Variants in CYP2R1 observed in about 807,000 individuals in gnomAD.
CYP2R1 encodes the protein vitamin D 25-hydroxylase.
CYP2R1 carries 40 observed loss-of-function variants against 45.7 expected under a neutral mutation model. The ratio of observed to expected loss-of-function variants is 0.87; its 90% CI spans 0.68 to 1.14. CYP2R1 has a LOEUF of 1.14. CYP2R1 is among the 50% of genes most tolerant of loss of function. CYP2R1 has a pLI of 0.00. For synonymous variants in CYP2R1, 234 were observed against 219.3 expected, an observed-to-expected ratio of 1.07 and a Z score of -0.59; for missense variants, 605 against 602.6, an observed-to-expected ratio of 1.00 and a Z score of -0.04.
chr11:14,885,835 C>G lies in CYP2R1; in HGVS notation c.308G>C (p.Ser103Thr), dbSNP rs1848595700. ...DVVKECLVHQ[S>T]EIFADRPCLP... Reference sequence around the variant, plus strand: ...GCATGGTCTGTCTGCAAAAATTTCGCTTTGATGAACAAGGCATTCCTTTAC... The same window carrying G: ...GCATGGTCTGTCTGCAAAAATTTCGGTTTGATGAACAAGGCATTCCTTTAC... Residue 103 changes from serine to threonine, a missense_variant, in exon 2 of 5, where the codon AGC becomes ACC. Physicochemically the swap from Ser to Thr is moderately conservative, Grantham distance 58 (BLOSUM62 1). Transcript: ENST00000334636. The G allele has an allele frequency of 6.2e-7, 1 of 1,613,622 alleles. No individual in the cohort carries two copies. The highest frequency in any genetic ancestry group is 8.5e-7 in the Non-Finnish European group (1 of 1,179,804).
rs782742429 is a variant in CYP2R1 at position 14,892,125 on chromosome 11, G to A, written c.81C>T (p.Val27=). The A allele has an allele frequency of 5.0e-6, 8 of 1,611,544 alleles. No homozygotes were observed. Among genetic ancestry groups the A allele is most frequent in the Non-Finnish European group, 6.8e-6 (8 of 1,179,656 alleles). ...ALFLLLFALG[V]RQLLKQRRPM... ...GCCGCCTCTGCTTCAGCAGCTGGCG[G>A]ACCCCTAGCGCGAAGAGCAGCAGGA... The change falls in exon 1 of 5, where the codon GTC becomes GTT. Residue 27 remains valine, a synonymous_variant. Transcript: ENST00000334636.
intron 1 of CYP2R1, chr11:14,887,841 A>G (rs1848678138): frequency 6.5e-6 from 1 of 153,968 alleles, no homozygotes; most frequent in African/African-American, 2.4e-5. Flanking sequence ...TTCAGAATAT[A>G]AACAGAATCA....
Position 14,878,172 on chromosome 11 carries a change from C to G in CYP2R1, c.1456G>C (p.Gly486Arg), listed in dbSNP as rs1848226320. 2 of 1,613,162 alleles carry G rather than the reference C, an allele frequency of 1.2e-6. No individual in the cohort carries two copies. Among genetic ancestry groups the G allele is most frequent in the Non-Finnish European group, 1.7e-6 (2 of 1,179,464 alleles). ...TAGGGTTGGGGCTGCAATGTCATGC[C>G]TAACCTGGGCTTCAGATCTGGAACT... The part of the protein sequence containing the change: ...ELVPDLKPRL[G>R]MTLQPQPYLI... The change falls in exon 5 of 5, where the codon GGC becomes CGC. Residue 486 changes from glycine (G) to arginine (R), a missense_variant. Physicochemically the swap from Gly to Arg is moderately radical, Grantham distance 125. Transcript: ENST00000334636.
In CYP2R1 at chr11:14,892,127, C is replaced by A; in HGVS notation, c.79G>T (p.Val27Phe). ...ALFLLLFALG[V>F]RQLLKQRRPM... ...CGCCTCTGCTTCAGCAGCTGGCGGA[C>A]CCCTAGCGCGAAGAGCAGCAGGAAG... is the stretch of plus-strand genomic sequence containing the variant. Residue 27 changes from valine to phenylalanine, a missense_variant, in exon 1 of 5, where the codon GTC (valine) becomes TTC (phenylalanine). Val to Phe is a conservative substitution (Grantham distance 50). Coordinates refer to ENST00000334636, the MANE Select transcript of CYP2R1 (RefSeq NM_024514.5). 6.2e-7 allele frequency: 1 copy of A among 1,611,588 alleles called. No homozygotes were observed. Among genetic ancestry groups the A allele is most frequent in the Non-Finnish European group, 8.5e-7 (1 of 1,179,704 alleles).
At chr11:14,885,697 T>C (rs1848588616) in intron 2 of CYP2R1, 79 bp downstream of exon 2, 29 of 1,429,842 alleles carry the variant, frequency 2.0e-5, no homozygotes, top group Non-Finnish European at 2.6e-5. Flanking sequence ...TAATCCCAAC[T>C]GTATGCACTA....
chr11:14,879,222 G>T lies in CYP2R1; in HGVS notation c.1222C>A (p.His408Asn), dbSNP rs781917248. 2 of 1,613,272 alleles carry T rather than the reference G, an allele frequency of 1.2e-6. No homozygotes were observed. Among genetic ancestry groups the T allele is most frequent in the South Asian group, 2.2e-5 (2 of 91,058 alleles). Residue 408 changes from histidine (H) to asparagine (N), a missense_variant, in exon 4 of 5, where the codon CAC becomes AAC. His to Asn is a moderately conservative substitution (Grantham distance 68, BLOSUM62 1). Transcript: ENST00000334636. Reference sequence around the variant, plus strand: ...TCTCTCCAGTACTTTTCATCAAAGTGTACAGAATAAAGATTTGTAATTACT... The same window carrying T: ...TCTCTCCAGTACTTTTCATCAAAGTTTACAGAATAAAGATTTGTAATTACT... ...TTVITNLYSV[H>N]FDEKYWRDPE... is the part of the protein sequence containing the mutation.
At chr11:14,880,868 C>G in intron 2 of CYP2R1, 100 bp from the exon 3 acceptor site, 1 of 1,105,470 alleles carries the variant, frequency 9.0e-7, no homozygotes, top group Admixed American at 2.5e-5. Flanking sequence ...TCATCCTTCT[C>G]CAAATTGTCC....
rs782583047 is a variant in CYP2R1, at chr11:14,879,412, C to T, written c.1032G>A (p.Met344Ile). 1.2e-6 allele frequency: 2 copies of T among 1,605,246 alleles called. No homozygotes were observed. The highest frequency in any genetic ancestry group is 1.7e-6 in the Non-Finnish European group (2 of 1,179,268). Residue 344 changes from methionine (M) to isoleucine (I), a missense_variant, in exon 4 of 5, where the codon ATG becomes ATA. Transcript: ENST00000334636. ...CCCAAGAAGGCTTCCCATTAGGGCCCATAATTAAATCAATCTCTTTCTGAA... is the reference window on the plus strand; with the variant it reads ...CCCAAGAAGGCTTCCCATTAGGGCCTATAATTAAATCAATCTCTTTCTGAA... ...GQVQKEIDLI[M>I]GPNGKPSWDD...
At chr11:14,887,512 A>G (rs1238632935) in intron 1 of CYP2R1, 29 of 812,970 alleles carry the variant, frequency 3.6e-5, no homozygotes, top group Non-Finnish European at 4.3e-5. Context: ...TGATCTATGG[A>G]AGGGTACAAG....
chr11:14,892,161 G>T lies in CYP2R1; in HGVS notation c.45C>A (p.Gly15=), dbSNP rs377528000. 2 of 1,610,742 alleles carry T rather than the reference G, an allele frequency of 1.2e-6. No homozygotes were observed. Among genetic ancestry groups the T allele is most frequent in the East Asian group, 2.2e-5 (1 of 44,858 alleles). The change falls in exon 1 of 5, where the codon GGC becomes GGA. Residue 15 remains glycine (G), a synonymous_variant. Transcript: ENST00000334636. ...CGAAGAGCAGCAGGAAGAGCGCGCC[G>T]CCGAGCGCCGCCGCGCCCTCTTCAG... ...WRAEEGAAAL[G]GALFLLLFAL...
At chr11:14,885,636 C>T in intron 2 of CYP2R1, 140 bp downstream of exon 2, 1 of 901,746 alleles carries the variant, frequency 1.1e-6, no homozygotes, top group Non-Finnish European at 1.7e-6. Flanking sequence ...CTGAAAGGTC[C>T]TCAAATACTA....
chr11:14,879,422 T>G lies in CYP2R1; in HGVS notation c.1022A>C (p.Asp341Ala). 6.2e-7 allele frequency: 1 copy of G among 1,603,412 alleles called. No homozygotes were observed. The highest frequency in any genetic ancestry group is 8.5e-7 in the Non-Finnish European group (1 of 1,179,154). ...CTTCCCATTAGGGCCCATAATTAAA[T>G]CAATCTCTTTCTGAACTTGTCCTGT... ...NIQGQVQKEI[D>A]LIMGPNGKPS... Residue 341 changes from aspartate to alanine, a missense_variant, in exon 4 of 5, where the codon GAT (aspartate) becomes GCT (alanine). Asp to Ala is a moderately radical substitution (Grantham distance 126). Coordinates refer to ENST00000334636, the MANE Select transcript of CYP2R1 (RefSeq NM_024514.5).
intron 1 of CYP2R1, among the ~76,000 whole-genome samples, chr11:14,888,213 T>C (rs974836295): frequency 6.6e-6 from 1 of 152,218 alleles, no homozygotes; most frequent in Non-Finnish European, 1.5e-5. Context: ...TATAATTTAC[T>C]TGTGTTTATA....
At chr11:14,884,752 A>G (rs1216545878) in intron 2 of CYP2R1, among the ~76,000 whole-genome samples, 1 of 152,072 alleles carries the variant, frequency 6.6e-6, no homozygotes, top group Non-Finnish European at 1.5e-5. Flanking sequence ...GTTTTTAAAA[A>G]TCTTAAGTTG....
At chr11:14,884,975 C>G (rs1848557572) in intron 2 of CYP2R1, among the ~76,000 whole-genome samples, 1 of 151,992 alleles carries the variant, frequency 6.6e-6, no homozygotes, top group African/African-American at 2.4e-5. Flanking sequence ...AGAATTCAGT[C>G]TTTTACAATT....
Position 14,889,164 on chromosome 11 carries a change from G to GTT in CYP2R1, c.225+2815_225+2816dup, listed in dbSNP as rs11410959. On this transcript the variant is annotated intron_variant, in intron 1 of 4. Coordinates refer to ENST00000334636, the MANE Select transcript of CYP2R1 (RefSeq NM_024514.5). ...TCCTAAGCAATTTTAAAGTCCAGTTGTTTTTTTTTTTTTTTCTGTGAGCAT... is the reference window on the plus strand; with the variant it reads ...TCCTAAGCAATTTTAAAGTCCAGTTGTTTTTTTTTTTTTTTTTCTGTGAGCAT... Among the ~76,000 whole-genome samples, 433 of 140,144 alleles carry GTT rather than the reference G, an allele frequency of 3.1e-3. 2 individuals are homozygous for GTT. Among genetic ancestry groups the GTT allele is most frequent in the Non-Finnish European group, 4.5e-3 (295 of 64,966 alleles). 91.9% of individuals were successfully genotyped at this position (140,144 alleles called of 152,430 possible). A position where few individuals can be genotyped will look rare whatever the true frequency, so the allele number is the denominator to read the frequency against.
rs782508410 is a variant in CYP2R1, at chr11:14,878,295, T to C, written c.1333A>G (p.Arg445Gly). The C allele has an allele frequency of 6.2e-7, 1 of 1,612,760 alleles. No individual in the cohort carries two copies. The highest frequency in any genetic ancestry group is 8.5e-7 in the Non-Finnish European group (1 of 1,179,236). ...AAGTGTTCTCCAAGACAATGTCTTC[T>C]TCCTAAACAGAAAAAGCAGATACAA... ...KEALVPFSLG[R>G]RHCLGEHLAR... The change falls in exon 5 of 5, where the codon AGA becomes GGA. Residue 445 changes from arginine (R) to glycine (G), a missense_variant and splice_region_variant. Coordinates refer to ENST00000334636, the MANE Select transcript of CYP2R1 (RefSeq NM_024514.5).
intron 2 of CYP2R1, among the ~76,000 whole-genome samples, chr11:14,882,058 G>A (rs1187499301): frequency 6.6e-6 from 1 of 152,088 alleles, no homozygotes; most frequent in African/African-American, 2.4e-5. Context: ...CATTAGTGCT[G>A]TGTAGCAATC....
At chr11:14,890,184 C>T (rs1848780191) in intron 1 of CYP2R1, among the ~76,000 whole-genome samples, 1 of 151,652 alleles carries the variant, frequency 6.6e-6, no homozygotes, top group African/African-American at 2.4e-5. Context: ...ACTTGAGTAG[C>T]ACTTTTCTGT....
Sources: gnomAD v4.1 joint callset for allele counts (sites outside exome capture counted in the v4.1 genomes callset) on GRCh38, gnomAD v4.1.1 for gene constraint, MANE v1.5 for transcripts, NCBI Gene and HGNC (gene_info 2026-07-23, HGNC 2026-07-21) for gene names.